Variants in CLIC5 observed in about 807,000 individuals in gnomAD.
CLIC5 encodes CLIC family member 5.
A neutral mutation model predicts 24.7 loss-of-function variants in CLIC5; 20 were observed. The ratio of observed to expected loss-of-function variants is 0.81; its 90% CI spans 0.57 to 1.18. The LOEUF (loss-of-function observed/expected upper bound fraction) is 1.18. Among genes scored for constraint, CLIC5 ranks in the 50% most tolerant of loss-of-function variants. CLIC5 has a pLI of 0.00. For synonymous variants in CLIC5, 159 were observed against 135.6 expected, an observed-to-expected ratio of 1.17 and a Z score of -1.20; for missense variants, 341 against 326.1, an observed-to-expected ratio of 1.05 and a Z score of -0.35.
intron 5 of CLIC5, among the ~76,000 whole-genome samples, chr6:45,904,994 G>A (rs1762617815): frequency 1.3e-5 from 2 of 151,948 alleles, no homozygotes; most frequent in Admixed American, 6.6e-5. Context: ...TTCTGTTCTT[G>A]CATTAGTTTG....
intron 1 of CLIC5, among the ~76,000 whole-genome samples, chr6:45,958,779 G>A (rs1384703392): frequency 6.6e-6 from 1 of 151,856 alleles, no homozygotes; most frequent in Non-Finnish European, 1.5e-5. Context: ...AAACATAGTT[G>A]AAGTTTTATT....
At chr6:45,966,562 T>C (rs918623470) in intron 1 of CLIC5, among the ~76,000 whole-genome samples, 5 of 152,172 alleles carry the variant, frequency 3.3e-5, no homozygotes, top group Admixed American at 2.0e-4. Flanking sequence ...ACTGTAGACT[T>C]GCAGCATCAG....
At chr6:46,108,460 G>A in the CLIC5 span, among the ~76,000 whole-genome samples, 1 of 151,480 alleles carries the variant, frequency 6.6e-6, no homozygotes, top group Admixed American at 6.6e-5. Context: ...GCAATGGTGC[G>A]GTCTTGGCTC....
the CLIC5 span, among the ~76,000 whole-genome samples, chr6:46,121,752 A>G: frequency 2.0e-5 from 3 of 152,058 alleles, no homozygotes; most frequent in Admixed American, 6.6e-5. Flanking sequence ...CAAGCAAATG[A>G]AAAACAAAAA....
At chr6:46,022,249 A>C (rs1383236049) in intron 1 of CLIC5, among the ~76,000 whole-genome samples, 2 of 152,190 alleles carry the variant, frequency 1.3e-5, no homozygotes, top group East Asian at 3.9e-4. Context: ...TTTTCAGAAA[A>C]TGCTTGCCCT....
the CLIC5 span, among the ~76,000 whole-genome samples, chr6:46,088,207 T>C: frequency 7.3e-6 from 1 of 137,620 alleles, no homozygotes; most frequent in East Asian, 2.1e-4. Context: ...CACTGTATAA[T>C]ATATACTTCT....
chr6:45,971,677 A>T (rs531791419), intron 1 of CLIC5, among the ~76,000 whole-genome samples: 1 of 152,198 alleles, frequency 6.6e-6, no homozygotes, highest in East Asian at 1.9e-4. Flanking sequence ...TCATCTGCCA[A>T]TTATTGAAGG....
intron 1 of CLIC5, among the ~76,000 whole-genome samples, chr6:46,023,874 T>C (rs1767253932): frequency 7.4e-5 from 11 of 148,996 alleles, no homozygotes; most frequent in Admixed American, 2.7e-4. Flanking sequence ...CCAAGATAAA[T>C]ACATATAACA....
intron 2 of CLIC5, among the ~76,000 whole-genome samples, chr6:45,952,057 A>T (rs1347848479): frequency 6.6e-6 from 1 of 152,200 alleles, no homozygotes; most frequent in Non-Finnish European, 1.5e-5. Context: ...TAGAGCTGAC[A>T]CAAGGCAGCA....
intron 6 of CLIC5, among the ~76,000 whole-genome samples, chr6:45,882,549 C>T (rs190840684): frequency 6.6e-6 from 1 of 152,286 alleles, no homozygotes; most frequent in Admixed American, 6.5e-5. Flanking sequence ...AAATGAGTTC[C>T]CAGTGGAATG....
chr6:45,937,373 G>C (rs1561947497), intron 4 of CLIC5: 1 of 152,210 alleles, frequency 6.6e-6, no homozygotes, highest in Non-Finnish European at 1.5e-5. Context: ...AGATGAACCT[G>C]CATTACAAAC....
chr6:45,964,009 T>TGGCC (rs1466747427), intron 1 of CLIC5, among the ~76,000 whole-genome samples: 1 of 152,214 alleles, frequency 6.6e-6, no homozygotes, highest in Non-Finnish European at 1.5e-5. Context: ...GTAAGACTGA[T>TGGCC]GGCCTTGGTA....
At chr6:46,121,871 G>C in the CLIC5 span, among the ~76,000 whole-genome samples, 4 of 152,172 alleles carry the variant, frequency 2.6e-5, no homozygotes, top group African/African-American at 7.2e-5. Context: ...AATTCAACAA[G>C]AAGAGCTAAC....
the CLIC5 span, among the ~76,000 whole-genome samples, chr6:46,085,837 G>GCC: frequency 6.6e-6 from 1 of 152,220 alleles, no homozygotes; most frequent in Non-Finnish European, 1.5e-5. Context: ...TCTGTGCCCT[G>GCC]CCCCCAGAGG....
intron 1 of CLIC5, among the ~76,000 whole-genome samples, chr6:46,012,455 G>C (rs959617870): frequency 1.3e-5 from 2 of 152,236 alleles, no homozygotes; most frequent in African/African-American, 4.8e-5. Context: ...CTGTCAGAAT[G>C]TTCCCCGAAA....
At chr6:45,980,972 C>CTGTTT (rs1300536037) in intron 1 of CLIC5, among the ~76,000 whole-genome samples, 1 of 152,076 alleles carries the variant, frequency 6.6e-6, no homozygotes, top group East Asian at 1.9e-4. Context: ...TTTTCATTTT[C>CTGTTT]TGTTTTGTTT....
chr6:45,971,145 G>C (rs981527316), intron 1 of CLIC5, among the ~76,000 whole-genome samples: 1 of 152,166 alleles, frequency 6.6e-6, no homozygotes, highest in Middle Eastern at 3.2e-3. Flanking sequence ...AGCACAAAAA[G>C]AACTACATTT....
chr6:45,932,741 C>T (rs1439868571), intron 4 of CLIC5: 3 of 152,306 alleles, frequency 2.0e-5, no homozygotes, highest in South Asian at 2.1e-4. Flanking sequence ...AGGAGCATGA[C>T]CCACTGCAGG....
At chr6:45,954,419 G>A (rs1164344703) in intron 2 of CLIC5, among the ~76,000 whole-genome samples, 1 of 152,160 alleles carries the variant, frequency 6.6e-6, no homozygotes, top group Non-Finnish European at 1.5e-5. Flanking sequence ...CTATCTAGAT[G>A]ATAGCAGGGC....
Sources: allele counts gnomAD v4.1 joint callset (sites outside exome capture counted in the v4.1 genomes callset), GRCh38; gene constraint gnomAD v4.1.1; transcripts MANE v1.5; gene names NCBI Gene and HGNC (gene_info 2026-07-23, HGNC 2026-07-21).